Variants in MRPL13 observed in about 807,000 individuals in gnomAD.
MRPL13 encodes the protein mitochondrial ribosomal protein L13.
A neutral mutation model predicts 29.0 loss-of-function variants in MRPL13; 33 were observed. That is an observed-to-expected ratio of 1.14 (90% CI 0.86 to 1.52). MRPL13 has a LOEUF of 1.52. Ranked by LOEUF, MRPL13 falls within the 40% of genes most tolerant of loss-of-function variation. The probability of loss-of-function intolerance (pLI) is 0.00; values close to 1 mark genes in which losing one functional copy is unlikely to be tolerated. For missense variants in MRPL13, 227 were observed against 216.7 expected (o/e 1.05, Z -0.30); for synonymous variants, 77 against 68.4 (o/e 1.13, Z -0.62).
At chr8:120,428,126 T>TAA (rs144856034) in intron 3 of MRPL13, among the ~76,000 whole-genome samples, 82 of 110,334 alleles carry the variant, frequency 7.4e-4, no homozygotes, top group African/African-American at 2.4e-3. Context: ...ATGGTACTGA[T>TAA]AAAAAAAAAA....
chr8:120,405,230 G>A (rs1051313249), intron 6 of MRPL13, among the ~76,000 whole-genome samples: 2 of 152,096 alleles, frequency 1.3e-5, no homozygotes, highest in African/African-American at 2.4e-5. Flanking sequence ...CACTAAATAT[G>A]GTTTTACTTC....
At chr8:120,436,480 G>A (rs1419657592) in intron 2 of MRPL13, among the ~76,000 whole-genome samples, 1 of 151,896 alleles carries the variant, frequency 6.6e-6, no homozygotes. Context: ...CATGTATTCT[G>A]CCCATAGCCT....
At chr8:120,428,323 T>C (rs568752297) in intron 3 of MRPL13, among the ~76,000 whole-genome samples, 3 of 152,174 alleles carry the variant, frequency 2.0e-5, no homozygotes, top group Admixed American at 2.0e-4. Flanking sequence ...CCCTTCCTTA[T>C]ACCACATACA....
At chr8:120,425,488 G>A (rs1220880366) in intron 3 of MRPL13, 122 bp from the exon 4 acceptor site, 3 of 627,320 alleles carry the variant, frequency 4.8e-6, no homozygotes, top group Non-Finnish European at 7.9e-6. Context: ...TTTCATTAGT[G>A]TTTTCAAAAT....
chr8:120,414,707 G>A (rs998312298), intron 5 of MRPL13: 3 of 152,158 alleles, frequency 2.0e-5, no homozygotes, highest in African/African-American at 7.2e-5. Flanking sequence ...GTTACCACTA[G>A]TCCACCTCTC....
intron 4 of MRPL13, among the ~76,000 whole-genome samples, chr8:120,423,564 C>T (rs1812898216): frequency 6.6e-6 from 1 of 151,908 alleles, no homozygotes; most frequent in South Asian, 2.1e-4. Context: ...AAGCTAAATT[C>T]CAATTGAATA....
At chr8:120,427,344 T>C (rs1023524854) in intron 3 of MRPL13, among the ~76,000 whole-genome samples, 68 of 152,234 alleles carry the variant, frequency 4.5e-4, no homozygotes, top group African/African-American at 1.6e-3. Context: ...AAACTCATGA[T>C]TGAAAATACC....
chr8:120,416,284 G>A (rs369757264), intron 5 of MRPL13, among the ~76,000 whole-genome samples: 1 of 152,140 alleles, frequency 6.6e-6, no homozygotes, highest in Non-Finnish European at 1.5e-5. Context: ...CACGAGGTCA[G>A]GAGATCGAGA....
chr8:120,397,132 G>A (rs530315676), intron 6 of MRPL13, among the ~76,000 whole-genome samples: 33 of 152,276 alleles, frequency 2.2e-4, no homozygotes, highest in Admixed American at 1.7e-3. Context: ...GGGAAACCAC[G>A]TTTCTCTCAC....
chr8:120,432,351 G>A (rs1167572953), intron 2 of MRPL13, among the ~76,000 whole-genome samples: 1 of 151,978 alleles, frequency 6.6e-6, no homozygotes, highest in African/African-American at 2.4e-5. Context: ...ACACTGCAAA[G>A]TAAAAGAAAT....
chr8:120,443,146 AAC>A, intron 2 of MRPL13, 37 bp downstream of exon 2: 1 of 1,447,534 alleles, frequency 6.9e-7, no homozygotes, highest in Middle Eastern at 1.8e-4. Flanking sequence ...CTGGCATGAA[AAC>A]TACAGTGGTT....
chr8:120,396,657 T>A (rs553724820), intron 6 of MRPL13, among the ~76,000 whole-genome samples: 1 of 152,186 alleles, frequency 6.6e-6, no homozygotes, highest in Admixed American at 6.5e-5. Flanking sequence ...TATGCAATTA[T>A]AAGATTAACC....
chr8:120,432,679 T>C (rs892690246), intron 2 of MRPL13, among the ~76,000 whole-genome samples: 3 of 152,118 alleles, frequency 2.0e-5, no homozygotes, highest in Non-Finnish European at 4.4e-5. Flanking sequence ...ACCATGTTTA[T>C]AGTAAATTTA....
At chr8:120,431,837 T>C (rs1812999486) in intron 3 of MRPL13, among the ~76,000 whole-genome samples, 193 bp downstream of exon 3, 1 of 152,154 alleles carries the variant, frequency 6.6e-6, no homozygotes, top group South Asian at 2.1e-4. Flanking sequence ...AAACAAATAC[T>C]GTCAGGTAAT....
intron 6 of MRPL13, among the ~76,000 whole-genome samples, chr8:120,404,578 T>A (rs964145713): frequency 6.6e-6 from 1 of 152,232 alleles, no homozygotes; most frequent in African/African-American, 2.4e-5. Context: ...GAAAGCTTAA[T>A]GCATGCTTCT....
chr8:120,444,996 A>T (rs1813187244), intron 1 of MRPL13, 72 bp downstream of exon 1: 1 of 1,603,936 alleles, frequency 6.2e-7, no homozygotes, highest in East Asian at 2.2e-5. Context: ...TTCACTACTT[A>T]ATCTGCCGGA....
intron 5 of MRPL13, among the ~76,000 whole-genome samples, chr8:120,417,035 C>T (rs781466658): frequency 1.3e-5 from 2 of 152,152 alleles, no homozygotes; most frequent in Non-Finnish European, 2.9e-5. Flanking sequence ...CTCCTTTTAT[C>T]GTAAGTTTCC....
At chr8:120,434,181 T>A (rs867401516) in intron 2 of MRPL13, among the ~76,000 whole-genome samples, 12 of 152,086 alleles carry the variant, frequency 7.9e-5, no homozygotes, top group African/African-American at 2.7e-4. Flanking sequence ...GGGCAGCTCT[T>A]AGTCCTACAC....
rs1315757890 is a variant in MRPL13, at chr8:120,425,324, G to GTC, written c.287_288insGA (p.His96GlnfsTer3). Reference sequence around the variant, plus strand: ...AACTTACTGCCACTGGATCCCTCAGGTGAAGCTGAGCAGCTGTTACTTGTC... The same window carrying GTC: ...AACTTACTGCCACTGGATCCCTCAGGTCTGAAGCTGAGCAGCTGTTACTTGTC... On this transcript the variant is annotated frameshift_variant, in exon 4 of 7. Transcript: ENST00000306185. LOFTEE classifies it high-confidence loss of function. The GTC allele has an allele frequency of 2.5e-6, 4 of 1,612,646 alleles. No individual in the cohort carries two copies. The highest frequency in any genetic ancestry group is 3.4e-6 in the Non-Finnish European group (4 of 1,179,098).
Sources: gnomAD v4.1 joint callset for allele counts (sites outside exome capture counted in the v4.1 genomes callset) on GRCh38, gnomAD v4.1.1 for gene constraint, MANE v1.5 for transcripts, NCBI Gene and HGNC (gene_info 2026-07-23, HGNC 2026-07-21) for gene names.